Variants in TTI1 observed in about 807,000 individuals in gnomAD.
The protein encoded by TTI1 is TELO2 interacting protein 1.
TTI1 carries 52 observed loss-of-function variants against 85.4 expected under a neutral mutation model. The observed-to-expected ratio is 0.61, with a 90% confidence interval of 0.49 to 0.77. TTI1 has a LOEUF of 0.77. Among genes scored for constraint, TTI1 ranks in the 30% least tolerant of loss-of-function variants. The pLI is 0.00. For missense variants in TTI1, 1,173 were observed against 1,296.0 expected (o/e 0.91, Z 1.46); for synonymous variants, 512 against 503.9 (o/e 1.02, Z -0.22).
chr20:38,007,393 G>A (rs1317735016), intron 2 of TTI1, among the ~76,000 whole-genome samples: 1 of 152,188 alleles, frequency 6.6e-6, no homozygotes, highest in Admixed American at 6.5e-5. Flanking sequence ...TTTTCAAACT[G>A]TGCCTTGAGG....
rs749004768 is a variant in TTI1, at chr20:38,012,934, T to C, written c.883A>G (p.Ile295Val). The C allele has an allele frequency of 6.2e-7, 1 of 1,614,166 alleles. No homozygotes were observed. Among genetic ancestry groups the C allele is most frequent in the South Asian group, 1.1e-5 (1 of 91,082 alleles). Residue 295 changes from isoleucine (I) to valine (V), a missense_variant, in exon 2 of 8, where the codon ATT becomes GTT. By Grantham distance (29) the Ile-to-Val change is conservative. Coordinates refer to ENST00000373447, the MANE Select transcript of TTI1 (RefSeq NM_001303457.2). ...DKLTILIKKIIECVSVHPHWK... is the reference protein window; with the variant it reads ...DKLTILIKKIVECVSVHPHWK... ...TGTGGGTGAACAGAAACACACTCAA[T>C]TATCTTTTTAATAAGGATAGTCAAC...
At chr20:38,030,130 G>A (rs2073887727) in intron 1 of TTI1, among the ~76,000 whole-genome samples, 1 of 151,426 alleles carries the variant, frequency 6.6e-6, no homozygotes, top group Non-Finnish European at 1.5e-5. Flanking sequence ...ACCACAATAG[G>A]AAAGAGATTA....
In TTI1 at chr20:37,996,871, G is replaced by A; in HGVS notation, c.2876C>T (p.Ser959Phe). 1 of 1,614,170 alleles carries A rather than the reference G, an allele frequency of 6.2e-7. No homozygotes were observed. Among genetic ancestry groups the A allele is most frequent in the Non-Finnish European group, 8.5e-7 (1 of 1,180,036 alleles). Residue 959 changes from serine (S) to phenylalanine (F), a missense_variant, in exon 6 of 8, where the codon TCC (serine) becomes TTC (phenylalanine). Coordinates refer to ENST00000373447, the MANE Select transcript of TTI1 (RefSeq NM_001303457.2). ...ACTGATGGGGGCCTGGGTGACTAGGGAGCCAGCCAGCTTTGGCAGGACATC... is the reference window on the plus strand; with the variant it reads ...ACTGATGGGGGCCTGGGTGACTAGGAAGCCAGCCAGCTTTGGCAGGACATC... ...CKDVLPKLAG[S>F]LVTQAPISAR...
chr20:37,993,210 C>T (rs1264987339), intron 7 of TTI1, among the ~76,000 whole-genome samples: 2 of 148,616 alleles, frequency 1.3e-5, no homozygotes, highest in African/African-American at 5.0e-5. Context: ...GCCCCTCCCC[C>T]ATGCCTCCCC....
At chr20:37,998,701 GA>G (rs1485539131) in intron 5 of TTI1, among the ~76,000 whole-genome samples, 1 of 152,190 alleles carries the variant, frequency 6.6e-6, no homozygotes, top group Non-Finnish European at 1.5e-5. Context: ...AGCCCAACAC[GA>G]AAATGGGTGG....
At chr20:37,988,009 T>C (rs1055395134) in intron 7 of TTI1, among the ~76,000 whole-genome samples, 2 of 152,212 alleles carry the variant, frequency 1.3e-5, no homozygotes, top group African/African-American at 4.8e-5. Context: ...GTTTTATCTC[T>C]TCATGGTTTA....
At chr20:37,990,659 T>C (rs1252287464) in intron 7 of TTI1, among the ~76,000 whole-genome samples, 2 of 152,204 alleles carry the variant, frequency 1.3e-5, no homozygotes, top group Non-Finnish European at 2.9e-5. Context: ...TCCACGCCTC[T>C]GAGGTGTTCG....
intron 1 of TTI1, among the ~76,000 whole-genome samples, chr20:38,020,805 C>T (rs1476592631): frequency 6.6e-6 from 1 of 152,080 alleles, no homozygotes; most frequent in East Asian, 1.9e-4. Flanking sequence ...AATATCATTA[C>T]ACATCCATGA....
intron 3 of TTI1, among the ~76,000 whole-genome samples, chr20:38,005,074 A>T (rs2073476771): frequency 6.6e-6 from 1 of 152,186 alleles, no homozygotes; most frequent in African/African-American, 2.4e-5. Context: ...AGTGAGTGGC[A>T]TCAAGCTACT....
At position 38,012,401 on chromosome 20, in the gene TTI1, C is replaced by T. The variant is rs1475339247; in HGVS notation, c.1416G>A (p.Gln472=). 1 of 1,614,216 alleles carries T rather than the reference C, an allele frequency of 6.2e-7. No homozygotes were observed. The highest frequency in any genetic ancestry group is 8.5e-7 in the Non-Finnish European group (1 of 1,180,038). ...TSATQPWNRI[Q]RRYFRFFTDE... ...CAGTGAAGAAGCGGAAATATCTCCTCTGGATGCGGTTCCAAGGCTGTGTGG... is the reference window on the plus strand; with the variant it reads ...CAGTGAAGAAGCGGAAATATCTCCTTTGGATGCGGTTCCAAGGCTGTGTGG... The change falls in exon 2 of 8, where the codon CAG becomes CAA. Residue 472 remains glutamine, a synonymous_variant. Transcript: ENST00000373447.
At chr20:38,004,372 C>A (rs966683649) in intron 3 of TTI1, among the ~76,000 whole-genome samples, 2 of 152,226 alleles carry the variant, frequency 1.3e-5, no homozygotes, top group African/African-American at 4.8e-5. Context: ...AACTTTTTCC[C>A]ATTTCAGTTC....
In TTI1 at chr20:38,009,832, C is replaced by T. The variant is rs140413362; in HGVS notation, c.2302+1683G>A. Among the ~76,000 whole-genome samples the T allele has an allele frequency of 3.4e-3, 518 of 152,224 alleles. 2 individuals are homozygous for T. The highest frequency in any genetic ancestry group is 0.012 in the African/African-American group (478 of 41,534). ...TGTTCTTAAAAATAAATGTGATAGC[C>T]CCCTATGTGTTGATGGGCCTTTCTC... On this transcript the variant is annotated intron_variant, in intron 2 of 7. Coordinates refer to ENST00000373447, the MANE Select transcript of TTI1 (RefSeq NM_001303457.2).
In TTI1 at chr20:37,988,763, T is replaced by A. The variant is rs536324090; in HGVS notation, c.3087-5124A>T. ...ACAGGCTCTCTCTATGTGGGCATGG[T>A]TAAATGCAGTGGGAAAGTAAGCTCA... On this transcript the variant is annotated intron_variant, in intron 7 of 7. Coordinates refer to ENST00000373447, the MANE Select transcript of TTI1 (RefSeq NM_001303457.2). Among the ~76,000 whole-genome samples the A allele has an allele frequency of 2.6e-5, 4 of 152,328 alleles. No homozygotes were observed. The South Asian group carries it at 8.3e-4, about 32-fold the overall frequency.
At position 38,013,267 on chromosome 20, in the gene TTI1, G is replaced by C; in HGVS notation, c.550C>G (p.Gln184Glu). Residue 184 changes from glutamine to glutamate, a missense_variant, in exon 2 of 8, where the codon CAG becomes GAG. Coordinates refer to ENST00000373447, the MANE Select transcript of TTI1 (RefSeq NM_001303457.2). Reference sequence around the variant, plus strand: ...CTTGGATGGTCCTGACAATCACACTGCAAGAGTAGAACCTGTAAACATTTT... The same window carrying C: ...CTTGGATGGTCCTGACAATCACACTCCAAGAGTAGAACCTGTAAACATTTT... ...ALKCLQVLLL[Q>E]CDCQDHPRSL... 11 of 1,614,026 alleles carry C rather than the reference G, an allele frequency of 6.8e-6. No homozygotes were observed. Among genetic ancestry groups the C allele is most frequent in the Non-Finnish European group, 9.3e-6 (11 of 1,180,042 alleles).
chr20:38,000,108 C>T (rs983089827), intron 4 of TTI1, among the ~76,000 whole-genome samples: 4 of 152,044 alleles, frequency 2.6e-5, no homozygotes, highest in African/African-American at 7.2e-5. Context: ...TTGGAGATGA[C>T]GTGGCTTAAA....
rs1161391654 is a variant in TTI1, at chr20:38,020,321, AAAATATATATAT to A, written c.-41-6476_-41-6465del. Among the ~76,000 whole-genome samples, 149 of 42,712 alleles carry A rather than the reference AAAATATATATAT, an allele frequency of 3.5e-3. 2 individuals carry two copies. Among genetic ancestry groups the A allele is most frequent in the Non-Finnish European group, 5.2e-3 (115 of 22,176 alleles). The allele number at this position is 42,712 out of a possible 152,430, so 28.0% of individuals were successfully genotyped here. A position where few individuals can be genotyped will look rare whatever the true frequency, so the allele number is the denominator to read the frequency against. On this transcript the variant is annotated intron_variant, in intron 1 of 7. Transcript: ENST00000373447. ...TTGGCTACTCATATGAAAAAAAAAAAAAATATATATATATATATATATATATATATATGTATG... is the reference window on the plus strand; with the variant it reads ...TTGGCTACTCATATGAAAAAAAAAAAATATATATATATATATATATGTATG...
chr20:38,011,873 G>A lies in TTI1; in HGVS notation c.1944C>T (p.Leu648=). ...AYALGKDFCL[L]LMSALYPVLE... is the part of the protein sequence containing the mutation. Reference sequence around the variant, plus strand: ...GTACTGGATAAAGGGCTGACATCAAGAGCAAACAGAAGTCTTTTCCTAGTG... The same window carrying A: ...GTACTGGATAAAGGGCTGACATCAAAAGCAAACAGAAGTCTTTTCCTAGTG... The change falls in exon 2 of 8, where the codon CTC becomes CTT. Residue 648 remains leucine (L), a synonymous_variant. Coordinates refer to ENST00000373447, the MANE Select transcript of TTI1 (RefSeq NM_001303457.2). The A allele has an allele frequency of 1.2e-6, 2 of 1,614,260 alleles. No homozygotes were observed. The highest frequency in any genetic ancestry group is 1.7e-6 in the Non-Finnish European group (2 of 1,180,054).
chr20:38,011,179 A>C (rs75627306), intron 2 of TTI1, among the ~76,000 whole-genome samples: 2,550 of 152,328 alleles, frequency 0.017, 84 homozygotes, highest in African/African-American at 0.058. Flanking sequence ...AAACTGTCAT[A>C]AATCCTGATT....
chr20:37,986,501 A>G (rs1469024220), intron 7 of TTI1, among the ~76,000 whole-genome samples: 1 of 152,178 alleles, frequency 6.6e-6, no homozygotes, highest in Non-Finnish European at 1.5e-5. Context: ...TCTTGGAAGG[A>G]CTGTTTTGGG....
Sources: gnomAD v4.1 joint callset for allele counts (sites outside exome capture counted in the v4.1 genomes callset) on GRCh38, gnomAD v4.1.1 for gene constraint, MANE v1.5 for transcripts, NCBI Gene and HGNC (gene_info 2026-07-23, HGNC 2026-07-21) for gene names.